DYNC1I1: variants seen among roughly 807,000 people sequenced by gnomAD.
DYNC1I1 encodes cytoplasmic dynein 1 intermediate chain 1.
In DYNC1I1, 43 loss-of-function variants were observed where a neutral mutation model predicts 86.6. The ratio of observed to expected loss-of-function variants is 0.50; its 90% CI spans 0.39 to 0.64. The LOEUF (loss-of-function observed/expected upper bound fraction) is 0.64. Ranked by LOEUF, DYNC1I1 falls within the 30% of genes least tolerant of loss-of-function variation. The pLI is 0.00. For synonymous variants in DYNC1I1, 262 were observed against 283.7 expected (o/e 0.92, Z 0.77); for missense variants, 604 against 788.8 (o/e 0.77, Z 2.81).
chr7:95,869,895 T>C lies in DYNC1I1; in HGVS notation c.387T>C (p.His129=), dbSNP rs764775393. 3.1e-6 allele frequency: 5 copies of C among 1,614,070 alleles called. No individual in the cohort carries two copies. Among genetic ancestry groups the C allele is most frequent in the Non-Finnish European group, 4.2e-6 (5 of 1,179,956 alleles). ...TTGTTACTTACAGAAGAAGACTGCA[T>C]AAACTGGGCGTGTCAAAGGTCACCC... ...QSDSELGRRL[H]KLGVSKVTQV... Residue 129 remains histidine (H), a synonymous_variant, in exon 6 of 17, where the codon CAT becomes CAC. Transcript: ENST00000447467.
chr7:95,867,319 G>A (rs747636411), intron 5 of DYNC1I1, among the ~76,000 whole-genome samples: 4 of 152,144 alleles, frequency 2.6e-5, no homozygotes, highest in Non-Finnish European at 5.9e-5. Flanking sequence ...ACTAAACTAA[G>A]TGCTATGTAA....
At chr7:95,876,976 T>C (rs1225430002) in intron 6 of DYNC1I1, among the ~76,000 whole-genome samples, 2 of 152,166 alleles carry the variant, frequency 1.3e-5, no homozygotes, top group Non-Finnish European at 2.9e-5. Flanking sequence ...ATTTATCTAA[T>C]AAAACTAATC....
intron 6 of DYNC1I1, among the ~76,000 whole-genome samples, chr7:95,935,955 TAGTG>T: frequency 6.6e-6 from 1 of 151,974 alleles, no homozygotes; most frequent in African/African-American, 2.4e-5. Context: ...AGACAAGTAT[TAGTG>T]AGGATGTGGA....
rs73397049 is a variant in DYNC1I1 at position 95,989,556 on chromosome 7, G to A, written c.843+2401G>A. Among the ~76,000 whole-genome samples, 192 of 152,274 alleles carry A rather than the reference G, an allele frequency of 1.3e-3. 1 individual carries two copies. The highest frequency in any genetic ancestry group is 4.4e-3 in the African/African-American group (183 of 41,554). On this transcript the variant is annotated intron_variant, in intron 9 of 16. Coordinates refer to ENST00000447467, the MANE Select transcript of DYNC1I1 (RefSeq NM_001135556.2). ...CAAAGGCAACTACAACCTTGTTCCC[G>A]GGTCAGCTGATAACACTCCCTGAGG...
At chr7:95,967,595 T>A (rs1358581891) in intron 6 of DYNC1I1, among the ~76,000 whole-genome samples, 1 of 152,142 alleles carries the variant, frequency 6.6e-6, no homozygotes, top group Non-Finnish European at 1.5e-5. Context: ...CACCTACTAC[T>A]GTGTTTTTGT....
chr7:96,020,313 A>G (rs1019221888), intron 10 of DYNC1I1, among the ~76,000 whole-genome samples: 2 of 152,108 alleles, frequency 1.3e-5, no homozygotes, highest in African/African-American at 4.8e-5. Flanking sequence ...AAGCCTCACA[A>G]TCATAGTGGA....
At chr7:96,080,139 TC>T (rs1430165276) in intron 15 of DYNC1I1, among the ~76,000 whole-genome samples, 1 of 152,142 alleles carries the variant, frequency 6.6e-6, no homozygotes, top group African/African-American at 2.4e-5. Context: ...AGACTCTCCC[TC>T]CTTTTCTTTT....
intron 6 of DYNC1I1, among the ~76,000 whole-genome samples, chr7:95,888,448 G>T (rs78146445): frequency 0.026 from 3,983 of 152,124 alleles, 138 homozygotes; most frequent in African/African-American, 0.079. Context: ...AAAAAAATAA[G>T]AAGAAGAAAC....
At chr7:96,016,538 C>T (rs1378101632) in intron 10 of DYNC1I1, among the ~76,000 whole-genome samples, 1 of 152,146 alleles carries the variant, frequency 6.6e-6, no homozygotes, top group East Asian at 1.9e-4. Context: ...AAGCAGGACA[C>T]ACATATCATG....
chr7:95,843,637 G>A (rs1789348937), intron 5 of DYNC1I1, among the ~76,000 whole-genome samples: 1 of 152,192 alleles, frequency 6.6e-6, no homozygotes, highest in East Asian at 1.9e-4. Flanking sequence ...TGGTTTGTAT[G>A]TTAACTATGT....
At chr7:95,954,758 A>G (rs932102625) in intron 6 of DYNC1I1, among the ~76,000 whole-genome samples, 3 of 151,854 alleles carry the variant, frequency 2.0e-5, no homozygotes, top group African/African-American at 7.3e-5. Flanking sequence ...CTAAAAAAAT[A>G]CAAAATAATT....
chr7:95,893,693 C>T (rs1562936066), intron 6 of DYNC1I1, among the ~76,000 whole-genome samples: 3 of 152,164 alleles, frequency 2.0e-5, no homozygotes, highest in East Asian at 1.9e-4. Flanking sequence ...TGATGCAAAA[C>T]CTAGAGATCT....
intron 14 of DYNC1I1, among the ~76,000 whole-genome samples, chr7:96,058,106 C>T (rs190209378): frequency 1.3e-5 from 2 of 152,270 alleles, no homozygotes; most frequent in East Asian, 3.9e-4. Context: ...CATTGCAAAA[C>T]ATGCAAGAAT....
intron 8 of DYNC1I1, among the ~76,000 whole-genome samples, chr7:95,986,674 G>T (rs1199343162): frequency 6.6e-6 from 1 of 151,986 alleles, no homozygotes; most frequent in African/African-American, 2.4e-5. Flanking sequence ...CGATATCAAA[G>T]AATCCTCTGG....
chr7:95,964,342 A>G (rs560880559), intron 6 of DYNC1I1, among the ~76,000 whole-genome samples: 13 of 152,344 alleles, frequency 8.5e-5, no homozygotes, highest in South Asian at 6.2e-4. Flanking sequence ...GTAAGCATCT[A>G]TGACAAAGTT....
chr7:96,004,203 C>G (rs1272700784), intron 10 of DYNC1I1, among the ~76,000 whole-genome samples: 3 of 152,074 alleles, frequency 2.0e-5, no homozygotes, highest in Non-Finnish European at 2.9e-5. Flanking sequence ...GTTTTTATAT[C>G]CGATTGTTTA....
intron 6 of DYNC1I1, among the ~76,000 whole-genome samples, chr7:95,936,557 A>C (rs915574895): frequency 6.6e-6 from 1 of 152,010 alleles, no homozygotes. Context: ...AAAAATCTGT[A>C]GAGGAAAAAT....
chr7:95,980,359 C>CTAGCAGATA (rs1562962145), intron 7 of DYNC1I1, among the ~76,000 whole-genome samples: 2 of 150,800 alleles, frequency 1.3e-5, no homozygotes, highest in African/African-American at 4.9e-5. Context: ...GAAAGAATCT[C>CTAGCAGATA]TAGCAGATAT....
chr7:95,787,390 T>C (rs977060732), intron 1 of DYNC1I1, among the ~76,000 whole-genome samples: 2 of 152,034 alleles, frequency 1.3e-5, no homozygotes, highest in African/African-American at 4.8e-5. Context: ...ATTATGTTAA[T>C]ACATTCAAAA....
Sources: allele counts gnomAD v4.1 joint callset (sites outside exome capture counted in the v4.1 genomes callset), GRCh38; gene constraint gnomAD v4.1.1; transcripts MANE v1.5; gene names NCBI Gene and HGNC (gene_info 2026-07-23, HGNC 2026-07-21).